CEP112: variants seen among roughly 807,000 people sequenced by gnomAD.
CEP112 encodes the protein centrosomal protein of 112 kDa.
Under a neutral mutation model 153.0 loss-of-function variants are expected in CEP112, and 127 were observed. The ratio of observed to expected loss-of-function variants is 0.83; its 90% CI spans 0.72 to 0.96. The LOEUF (loss-of-function observed/expected upper bound fraction) is 0.96, where lower values mean the gene tolerates loss of function less well. CEP112 is among the 40% of genes least tolerant of loss of function. The pLI, the probability that CEP112 is intolerant of heterozygous loss-of-function variation, is 0.00. For missense variants in CEP112, 1,089 were observed against 1,101.2 expected (o/e 0.99, Z 0.16); for synonymous variants, 358 against 374.4 (o/e 0.96, Z 0.51).
rs542482640 is a variant in CEP112 at position 66,176,077 on chromosome 17, T to C, written c.297+753A>G. On this transcript the variant is annotated intron_variant, in intron 3 of 26. Coordinates refer to ENST00000535342, the MANE Select transcript of CEP112 (RefSeq NM_001199165.4). ...ATTGTGCCATGGAAAACAGGAATTA[T>C]TCTCTAATGTTCAGCGTGCCACTTG... is the stretch of plus-strand genomic sequence containing the variant. Among the ~76,000 whole-genome samples the C allele has an allele frequency of 3.3e-5, 5 of 152,338 alleles. No homozygotes were observed. In the East Asian group the frequency reaches 9.6e-4, roughly 29 times the overall value.
intron 17 of CEP112, among the ~76,000 whole-genome samples, chr17:65,969,830 A>G (rs2062586107): frequency 8.1e-6 from 1 of 122,786 alleles, no homozygotes; most frequent in Non-Finnish European, 1.8e-5. Context: ...ACATATTACA[A>G]GCATATCATC....
chr17:65,766,093 C>A (rs200301753), intron 21 of CEP112, among the ~76,000 whole-genome samples: 2 of 106,324 alleles, frequency 1.9e-5, no homozygotes, highest in Admixed American at 2.0e-4. Flanking sequence ...TATAGAGAGA[C>A]AATTTGATGA....
chr17:65,970,440 T>C (rs1490739356), intron 17 of CEP112, among the ~76,000 whole-genome samples: 1 of 81,550 alleles, frequency 1.2e-5, no homozygotes, highest in East Asian at 1.2e-3. Flanking sequence ...GCACACATCA[T>C]GCATGTATAT....
rs150746994 is a variant in CEP112, at chr17:66,109,948, C to G, written c.643-13316G>C. 9.5e-3 allele frequency among the ~76,000 whole-genome samples: 1,444 copies of G among 152,274 alleles called. 20 individuals carry two copies. The highest frequency in any genetic ancestry group is 0.032 in the African/African-American group (1,321 of 41,570). ...GGCTGAGGCGAGCAGATCATGAGGT[C>G]AGGAGATCGTGACCATCCTGGCTAA... On this transcript the variant is annotated intron_variant, in intron 6 of 26. Transcript: ENST00000535342.
intron 21 of CEP112, among the ~76,000 whole-genome samples, chr17:65,808,589 G>A (rs2055756788): frequency 6.6e-6 from 1 of 152,112 alleles, no homozygotes; most frequent in South Asian, 2.1e-4. Context: ...CCCCCTTGCT[G>A]TTCTTGTGAT....
At chr17:65,646,964 A>G (rs2045467075) in intron 24 of CEP112, among the ~76,000 whole-genome samples, 1 of 152,222 alleles carries the variant, frequency 6.6e-6, no homozygotes, top group Non-Finnish European at 1.5e-5. Flanking sequence ...ATTTTAGCTT[A>G]CTACAGATTT....
intron 20 of CEP112, among the ~76,000 whole-genome samples, chr17:65,897,910 GA>G (rs1568189015): frequency 6.6e-6 from 1 of 151,294 alleles, no homozygotes; most frequent in Admixed American, 6.6e-5. Flanking sequence ...CTGAGAACTA[GA>G]AAAAAAAGAA....
chr17:65,675,105 G>A (rs1053369540), intron 24 of CEP112, among the ~76,000 whole-genome samples: 1 of 152,112 alleles, frequency 6.6e-6, no homozygotes, highest in Non-Finnish European at 1.5e-5. Flanking sequence ...GCTAGAGACT[G>A]GGTAAAAATA....
At chr17:65,989,208 C>A (rs546941234) in intron 17 of CEP112, among the ~76,000 whole-genome samples, 1 of 145,270 alleles carries the variant, frequency 6.9e-6, no homozygotes, top group Non-Finnish European at 1.5e-5. Context: ...GCACTGCAGC[C>A]TGGGAGACAG....
intron 6 of CEP112, among the ~76,000 whole-genome samples, chr17:66,113,669 A>G (rs1400862689): frequency 2.0e-5 from 3 of 152,218 alleles, no homozygotes; most frequent in African/African-American, 7.2e-5. Context: ...TCCTTTCTCA[A>G]GTTGACAAAT....
chr17:65,969,973 A>C (rs142734408), intron 17 of CEP112, among the ~76,000 whole-genome samples: 1 of 152,180 alleles, frequency 6.6e-6, no homozygotes, highest in Non-Finnish European at 1.5e-5. Flanking sequence ...TATGTATAAC[A>C]TGCATATCAC....
At chr17:66,167,531 G>A (rs147241317) in intron 4 of CEP112, among the ~76,000 whole-genome samples, 10 of 152,258 alleles carry the variant, frequency 6.6e-5, no homozygotes, top group African/African-American at 2.4e-4. Flanking sequence ...AGTGTCAGAA[G>A]TGGAATGTGA....
At chr17:65,970,908 G>T (rs1368540863) in intron 17 of CEP112, among the ~76,000 whole-genome samples, 1 of 74,274 alleles carries the variant, frequency 1.3e-5, no homozygotes, top group Non-Finnish European at 2.8e-5. Flanking sequence ...TGCATTGCAT[G>T]TATGTTGCAT....
chr17:65,810,012 T>C (rs1209422226), intron 21 of CEP112, among the ~76,000 whole-genome samples: 1 of 152,178 alleles, frequency 6.6e-6, no homozygotes, highest in African/African-American at 2.4e-5. Flanking sequence ...TTCTGAGAAG[T>C]CAACTGTGAT....
intron 22 of CEP112, among the ~76,000 whole-genome samples, chr17:65,747,919 T>G (rs547262729): frequency 6.6e-6 from 1 of 152,336 alleles, no homozygotes; most frequent in Non-Finnish European, 1.5e-5. Context: ...ACCAACACAT[T>G]CATTACTAAT....
intron 20 of CEP112, among the ~76,000 whole-genome samples, chr17:65,901,671 C>T (rs2059855493): frequency 6.6e-6 from 1 of 152,014 alleles, no homozygotes; most frequent in African/African-American, 2.4e-5. Context: ...TCATTTTTAT[C>T]AATTACCATC....
chr17:65,975,963 C>T (rs867699076), intron 17 of CEP112, among the ~76,000 whole-genome samples: 2 of 152,198 alleles, frequency 1.3e-5, no homozygotes, highest in South Asian at 2.1e-4. Flanking sequence ...TTGTTAAATG[C>T]GTACACGTGT....
At chr17:65,785,771 T>G (rs1409492267) in intron 21 of CEP112, among the ~76,000 whole-genome samples, 1 of 152,188 alleles carries the variant, frequency 6.6e-6, no homozygotes, top group African/African-American at 2.4e-5. Flanking sequence ...TGATATTGCT[T>G]TTTTCTAAAA....
intron 19 of CEP112, among the ~76,000 whole-genome samples, chr17:65,924,967 C>T (rs767640997): frequency 6.6e-6 from 1 of 152,184 alleles, no homozygotes; most frequent in African/African-American, 2.4e-5. Context: ...CCAGCCCCTC[C>T]ATCCCTTTCT....
Sources: allele counts gnomAD v4.1 joint callset (sites outside exome capture counted in the v4.1 genomes callset), GRCh38; gene constraint gnomAD v4.1.1; transcripts MANE v1.5; gene names NCBI Gene and HGNC (gene_info 2026-07-23, HGNC 2026-07-21).